The following TENM2 variants were observed in gnomAD, a reference collection of about 807,000 sequenced individuals.
The protein encoded by TENM2 is teneurin transmembrane protein 2, also known as teneurin-2.
Under a neutral mutation model 245.2 loss-of-function variants are expected in TENM2, and 52 were observed. That is an observed-to-expected ratio of 0.21 (90% CI 0.17 to 0.27). The LOEUF (loss-of-function observed/expected upper bound fraction) is 0.27. Ranked by LOEUF, TENM2 falls within the 10% of genes least tolerant of loss-of-function variation. The pLI, the probability that TENM2 is intolerant of heterozygous loss-of-function variation, is 1.00. For synonymous variants in TENM2, 1,363 were observed against 1,438.9 expected (o/e 0.95, Z 1.19); for missense variants, 3,046 against 3,666.8 (o/e 0.83, Z 4.37).
chr5:167,129,180 T>G, the TENM2 span, among the ~76,000 whole-genome samples: 1 of 152,154 alleles, frequency 6.6e-6, no homozygotes, highest in Non-Finnish European at 1.5e-5. Flanking sequence ...ACCCAGGAAG[T>G]GGCTGGAACT....
intron 2 of TENM2, among the ~76,000 whole-genome samples, chr5:167,387,552 A>C (rs113866733): frequency 6.6e-6 from 1 of 151,964 alleles, no homozygotes; most frequent in Non-Finnish European, 1.5e-5. Context: ...CTTCAGTACT[A>C]TGTTGAAGAG....
In TENM2 at chr5:168,047,430, T is replaced by C; in HGVS notation, c.1190T>C (p.Met397Thr). The change falls in exon 6 of 29, where the codon ATG becomes ACG. Residue 397 changes from methionine to threonine, a missense_variant. Met to Thr is a moderately conservative substitution (Grantham distance 81). Transcript: ENST00000518659. The stretch of plus-strand genomic sequence containing the variant: ...CATTACTTTGTCTCTCCTGCAGCAA[T>C]GCATCTGCTCGGACTCAATTGGCAA... The C allele has an allele frequency of 1.3e-6, 2 of 1,551,714 alleles. No individual in the cohort carries two copies. Among genetic ancestry groups the C allele is most frequent in the Non-Finnish European group, 1.7e-6 (2 of 1,146,980 alleles).
chr5:167,221,280 A>T, the TENM2 span, among the ~76,000 whole-genome samples: 1 of 152,188 alleles, frequency 6.6e-6, no homozygotes, highest in Non-Finnish European at 1.5e-5. Flanking sequence ...AATGGTAAGC[A>T]TGTGGTGAAT....
At chr5:167,061,519 T>G in the TENM2 span, among the ~76,000 whole-genome samples, 1 of 152,204 alleles carries the variant, frequency 6.6e-6, no homozygotes, top group Non-Finnish European at 1.5e-5. Flanking sequence ...GATGAAACAT[T>G]ACTAAATATT....
At chr5:167,290,748 T>C (rs1425046371) in intron 1 of TENM2, among the ~76,000 whole-genome samples, 1 of 148,682 alleles carries the variant, frequency 6.7e-6, no homozygotes, top group Non-Finnish European at 1.5e-5. Flanking sequence ...AGAGAGTTGC[T>C]AGTCAGACAA....
the TENM2 span, among the ~76,000 whole-genome samples, chr5:167,267,026 G>A: frequency 6.6e-6 from 1 of 152,092 alleles, no homozygotes; most frequent in Non-Finnish European, 1.5e-5. Flanking sequence ...AAATCAGCCT[G>A]TTACTTTAAA....
At chr5:167,102,787 T>G in the TENM2 span, among the ~76,000 whole-genome samples, 2 of 152,202 alleles carry the variant, frequency 1.3e-5, no homozygotes, top group African/African-American at 4.8e-5. Context: ...GCCTCCCGAG[T>G]AGCTGGGATT....
chr5:167,748,005 C>T (rs1190930704), intron 2 of TENM2, among the ~76,000 whole-genome samples: 1 of 152,112 alleles, frequency 6.6e-6, no homozygotes, highest in Non-Finnish European at 1.5e-5. Flanking sequence ...CCTGAAAGAT[C>T]TCTAGGATAA....
chr5:168,085,747 C>T (rs1276788191), intron 7 of TENM2, among the ~76,000 whole-genome samples: 5 of 152,214 alleles, frequency 3.3e-5, no homozygotes, highest in Non-Finnish European at 7.3e-5. Context: ...GAGTGAGCGA[C>T]CCACTGCAGC....
intron 2 of TENM2, among the ~76,000 whole-genome samples, chr5:167,829,443 T>C (rs1316582416): frequency 1.3e-5 from 2 of 151,776 alleles, no homozygotes; most frequent in South Asian, 4.2e-4. Flanking sequence ...AAAAACAACA[T>C]GTGTAAACAT....
chr5:167,563,726 T>C (rs530837739), intron 2 of TENM2, among the ~76,000 whole-genome samples: 4 of 152,328 alleles, frequency 2.6e-5, no homozygotes, highest in African/African-American at 9.6e-5. Context: ...TTTTATCTTC[T>C]ATACAGTGTT....
At position 168,195,310 on chromosome 5, in the gene TENM2, G is replaced by A; in HGVS notation, c.2900+15G>A. Reference sequence around the variant, plus strand: ...CAGGATGGCACGTGAGTAGCTTTGTGGGGCTCGGACCTACTCAGGACCACA... The same window carrying A: ...CAGGATGGCACGTGAGTAGCTTTGTAGGGCTCGGACCTACTCAGGACCACA... On this transcript the variant is annotated intron_variant, in intron 15 of 28. Coordinates refer to ENST00000518659, the Ensembl canonical transcript of TENM2. 1 of 1,569,824 alleles carries A rather than the reference G, an allele frequency of 6.4e-7. No homozygotes were observed. The highest frequency in any genetic ancestry group is 8.7e-7 in the Non-Finnish European group (1 of 1,155,994).
chr5:166,992,059 A>ATTTTT, the TENM2 span, among the ~76,000 whole-genome samples: 1 of 147,022 alleles, frequency 6.8e-6, no homozygotes, highest in Non-Finnish European at 1.5e-5. Flanking sequence ...TCATATTCCA[A>ATTTTT]TTTTTTTTTT....
At chr5:167,035,688 G>A in the TENM2 span, among the ~76,000 whole-genome samples, 1 of 152,182 alleles carries the variant, frequency 6.6e-6, no homozygotes, top group African/African-American at 2.4e-5. Context: ...TTCAAAGTGG[G>A]AAAAGGGGAG....
chr5:167,437,143 C>T (rs10037354), intron 2 of TENM2, among the ~76,000 whole-genome samples: 8,664 of 152,118 alleles, frequency 0.057, 736 homozygotes, highest in African/African-American at 0.19. Context: ...TCAACACCAG[C>T]CCGTGAGAGC....
At chr5:167,363,296 A>G (rs1759824127) in intron 1 of TENM2, among the ~76,000 whole-genome samples, 1 of 152,196 alleles carries the variant, frequency 6.6e-6, no homozygotes, top group Non-Finnish European at 1.5e-5. Flanking sequence ...GAAACCTAAA[A>G]AGAGGTATGT....
intron 2 of TENM2, among the ~76,000 whole-genome samples, chr5:167,377,079 A>C (rs1760794950): frequency 6.6e-6 from 1 of 152,110 alleles, no homozygotes; most frequent in Admixed American, 6.5e-5. Context: ...TGCATCTAAA[A>C]AACTCATCTA....
chr5:167,324,889 A>G (rs1006202305), intron 1 of TENM2, among the ~76,000 whole-genome samples: 1 of 152,154 alleles, frequency 6.6e-6, no homozygotes, highest in Non-Finnish European at 1.5e-5. Flanking sequence ...CTGAGTCTAT[A>G]AAAGTGTTCA....
At chr5:167,528,708 T>C (rs935634459) in intron 2 of TENM2, among the ~76,000 whole-genome samples, 1 of 152,168 alleles carries the variant, frequency 6.6e-6, no homozygotes, top group Admixed American at 6.6e-5. Flanking sequence ...ATGATTATGT[T>C]GAAGTGTTCA....
Sources: allele counts gnomAD v4.1 joint callset (sites outside exome capture counted in the v4.1 genomes callset), GRCh38; gene constraint gnomAD v4.1.1; transcripts MANE v1.5; gene names NCBI Gene and HGNC (gene_info 2026-07-23, HGNC 2026-07-21).